The following FAF1 variants were observed in gnomAD, a reference collection of about 807,000 sequenced individuals.
The protein encoded by FAF1 is FAS-associated factor 1.
FAF1 carries 25 observed loss-of-function variants against 92.5 expected under a neutral mutation model. That is an observed-to-expected ratio of 0.27 (90% confidence interval 0.20 to 0.38). The LOEUF (loss-of-function observed/expected upper bound fraction) is 0.38, where lower values mean the gene tolerates loss of function less well. FAF1 is among the 10% of genes least tolerant of loss of function. The pLI is 1.00. For synonymous variants in FAF1, 234 were observed against 273.2 expected (o/e 0.86, Z 1.42); for missense variants, 636 against 793.3 (o/e 0.80, Z 2.38).
intron 5 of FAF1, among the ~76,000 whole-genome samples, chr1:50,743,696 A>G (rs1659477687): frequency 6.6e-6 from 1 of 152,214 alleles, no homozygotes; most frequent in Admixed American, 6.5e-5. Flanking sequence ...AAAACATTCA[A>G]TAATTATTTC....
chr1:50,696,940 T>C (rs936063024), intron 7 of FAF1, among the ~76,000 whole-genome samples: 3 of 152,204 alleles, frequency 2.0e-5, no homozygotes, highest in Non-Finnish European at 4.4e-5. Flanking sequence ...TCATGTAGGA[T>C]GAAAGATTAT....
At chr1:50,643,713 G>A (rs1263012113) in intron 8 of FAF1, among the ~76,000 whole-genome samples, 1 of 152,128 alleles carries the variant, frequency 6.6e-6, no homozygotes, top group East Asian at 1.9e-4. Context: ...CTGCCTCAGT[G>A]TCCTGAGTAG....
At chr1:50,877,428 C>A (rs1644579757) in intron 1 of FAF1, among the ~76,000 whole-genome samples, 1 of 151,978 alleles carries the variant, frequency 6.6e-6, no homozygotes, top group South Asian at 2.1e-4. Flanking sequence ...GAAGGAGGAG[C>A]CTAAGGAAGT....
chr1:50,746,195 C>T (rs1659577789), intron 4 of FAF1, among the ~76,000 whole-genome samples: 1 of 135,246 alleles, frequency 7.4e-6, no homozygotes, highest in South Asian at 2.5e-4. Flanking sequence ...TGCCTGGCTG[C>T]TTCTAGTACC....
chr1:50,533,221 A>G (rs1293679206), intron 15 of FAF1, among the ~76,000 whole-genome samples: 1 of 151,784 alleles, frequency 6.6e-6, no homozygotes, highest in Non-Finnish European at 1.5e-5. Flanking sequence ...ACAGGCACGC[A>G]ACACCACCCC....
chr1:50,814,496 A>C (rs1569991269), intron 2 of FAF1, among the ~76,000 whole-genome samples: 1 of 152,216 alleles, frequency 6.6e-6, no homozygotes, highest in East Asian at 1.9e-4. Context: ...CTACAGATAC[A>C]TTCATCTACA....
At chr1:50,735,808 T>C (rs1659114427) in intron 6 of FAF1, among the ~76,000 whole-genome samples, 1 of 152,152 alleles carries the variant, frequency 6.6e-6, no homozygotes, top group Non-Finnish European at 1.5e-5. Flanking sequence ...CCTCAAACTC[T>C]TGGGCTCGAG....
intron 1 of FAF1, among the ~76,000 whole-genome samples, chr1:50,934,619 G>C (rs1042912405): frequency 6.6e-6 from 1 of 152,158 alleles, no homozygotes; most frequent in African/African-American, 2.4e-5. Flanking sequence ...AGCTACACAA[G>C]AGGCTGAGAC....
chr1:50,690,947 G>T (rs1656894189), intron 7 of FAF1, among the ~76,000 whole-genome samples: 1 of 151,950 alleles, frequency 6.6e-6, no homozygotes. Context: ...ATATTCCATT[G>T]TATGGATATA....
intron 2 of FAF1, among the ~76,000 whole-genome samples, chr1:50,848,747 C>T (rs186138185): frequency 2.2e-4 from 33 of 152,130 alleles, no homozygotes; most frequent in African/African-American, 8.0e-4. Context: ...TCAGACAAAC[C>T]CAAACTGAGG....
chr1:50,481,876 A>C (rs1254340047), intron 17 of FAF1, among the ~76,000 whole-genome samples: 1 of 152,150 alleles, frequency 6.6e-6, no homozygotes, highest in Non-Finnish European at 1.5e-5. Context: ...AAGGCAGCCA[A>C]TGTGGCGGGA....
chr1:50,945,714 T>A (rs949626646), intron 1 of FAF1, among the ~76,000 whole-genome samples: 2 of 152,238 alleles, frequency 1.3e-5, no homozygotes, highest in Non-Finnish European at 2.9e-5. Context: ...ACAAGAGCTA[T>A]CTTTAACTTG....
At chr1:50,623,927 G>A (rs1653333253) in intron 8 of FAF1, among the ~76,000 whole-genome samples, 1 of 151,028 alleles carries the variant, frequency 6.6e-6, no homozygotes, top group African/African-American at 2.4e-5. Flanking sequence ...GACAGAGCGA[G>A]ACCCTGTCTC....
intron 4 of FAF1, among the ~76,000 whole-genome samples, chr1:50,745,386 C>G (rs1409017961): frequency 6.6e-6 from 1 of 151,994 alleles, no homozygotes; most frequent in Non-Finnish European, 1.5e-5. Flanking sequence ...AAGAGAAGAG[C>G]AACAAGAATT....
intron 1 of FAF1, among the ~76,000 whole-genome samples, chr1:50,938,679 T>TC (rs1645106353): frequency 6.6e-6 from 1 of 152,152 alleles, no homozygotes; most frequent in African/African-American, 2.4e-5. Flanking sequence ...ATTTCCTGGG[T>TC]TTTCTTCTAC....
intron 7 of FAF1, among the ~76,000 whole-genome samples, chr1:50,699,252 A>T (rs557085979): frequency 6.6e-6 from 1 of 152,206 alleles, no homozygotes; most frequent in African/African-American, 2.4e-5. Context: ...TACAATAAGA[A>T]CTAATTATTT....
intron 8 of FAF1, among the ~76,000 whole-genome samples, chr1:50,630,130 GT>G (rs976018075): frequency 6.6e-6 from 1 of 151,924 alleles, no homozygotes; most frequent in African/African-American, 2.4e-5. Flanking sequence ...TTTAAATATT[GT>G]TCCTGTTACT....
chr1:50,570,622 C>T (rs561426541), intron 12 of FAF1, among the ~76,000 whole-genome samples: 10 of 152,232 alleles, frequency 6.6e-5, no homozygotes, highest in Non-Finnish European at 1.0e-4. Flanking sequence ...TGTGGGTACC[C>T]CAAAGTAGCT....
At chr1:50,675,878 T>C (rs1269542864) in intron 7 of FAF1, among the ~76,000 whole-genome samples, 2 of 152,222 alleles carry the variant, frequency 1.3e-5, no homozygotes, top group African/African-American at 4.8e-5. Context: ...GAAACTACCA[T>C]TTATTGAGTA....
Sources: allele counts gnomAD v4.1 joint callset (sites outside exome capture counted in the v4.1 genomes callset), GRCh38; gene constraint gnomAD v4.1.1; transcripts MANE v1.5; gene names NCBI Gene and HGNC (gene_info 2026-07-23, HGNC 2026-07-21).